Variants in PRELID2 observed in about 807,000 individuals in gnomAD.
The protein encoded by PRELID2 is PRELI domain containing 2.
A neutral mutation model predicts 28.4 loss-of-function variants in PRELID2; 25 were observed. The ratio of observed to expected loss-of-function variants is 0.88; its 90% CI spans 0.64 to 1.23. PRELID2 has a LOEUF of 1.23. Among genes scored for constraint, PRELID2 ranks in the 50% most tolerant of loss-of-function variants. The pLI, the probability that PRELID2 is intolerant of heterozygous loss-of-function variation, is 0.00. For missense variants in PRELID2, 201 were observed against 214.4 expected (o/e 0.94, Z 0.39); for synonymous variants, 76 against 71.6 (o/e 1.06, Z -0.31).
chr5:145,561,316 T>C (rs1752923723), intron 1 of PRELID2, among the ~76,000 whole-genome samples: 1 of 152,226 alleles, frequency 6.6e-6, no homozygotes, highest in Non-Finnish European at 1.5e-5. Context: ...TTCTTCCTTT[T>C]TTTTCTTTTC....
chr5:145,487,551 G>T (rs1752229114), intron 1 of PRELID2, among the ~76,000 whole-genome samples: 1 of 152,148 alleles, frequency 6.6e-6, no homozygotes, highest in Non-Finnish European at 1.5e-5. Flanking sequence ...GGCTGGAGGG[G>T]TTCCTACCAG....
At chr5:145,766,323 C>CA (rs1380744685) in intron 5 of PRELID2, among the ~76,000 whole-genome samples, 4 of 152,070 alleles carry the variant, frequency 2.6e-5, no homozygotes, top group Non-Finnish European at 4.4e-5. Flanking sequence ...AAGCAGGCAC[C>CA]AGAGCTCTAT....
chr5:145,495,909 T>C (rs1026530571), intron 1 of PRELID2, among the ~76,000 whole-genome samples: 1 of 152,182 alleles, frequency 6.6e-6, no homozygotes, highest in Admixed American at 6.5e-5. Flanking sequence ...CTGTGTCCAT[T>C]AGCTTAGCTC....
At chr5:145,307,982 TTC>T in the PRELID2 span, among the ~76,000 whole-genome samples, 1 of 152,174 alleles carries the variant, frequency 6.6e-6, no homozygotes, top group East Asian at 1.9e-4. Context: ...TGCTCTAGCA[TTC>T]TCTGTGTGTG....
the PRELID2 span, among the ~76,000 whole-genome samples, chr5:145,234,523 T>A: frequency 1.3e-5 from 2 of 152,108 alleles, no homozygotes; most frequent in Admixed American, 6.6e-5. Context: ...TAAAAAATGT[T>A]GCATTCTAAA....
chr5:145,487,791 GT>G (rs935721081), intron 1 of PRELID2, among the ~76,000 whole-genome samples: 42 of 148,208 alleles, frequency 2.8e-4, no homozygotes, highest in African/African-American at 8.6e-4. Context: ...AACTATTTTT[GT>G]TTTTTTTTTC....
chr5:145,229,389 A>G, the PRELID2 span: 1 of 747,304 alleles, frequency 1.3e-6, no homozygotes, highest in Non-Finnish European at 2.4e-6. Flanking sequence ...ATCAGCTACA[A>G]GGCTGGAATC....
intron 1 of PRELID2, among the ~76,000 whole-genome samples, chr5:145,732,699 A>T (rs183643755): frequency 1.2e-4 from 19 of 152,334 alleles, no homozygotes; most frequent in Non-Finnish European, 2.5e-4. Context: ...GATGCATAAA[A>T]TTACCAAAAT....
At chr5:145,615,735 G>C (rs1753689754) in intron 1 of PRELID2, among the ~76,000 whole-genome samples, 1 of 152,188 alleles carries the variant, frequency 6.6e-6, no homozygotes, top group Non-Finnish European at 1.5e-5. Flanking sequence ...TGTTAGTATT[G>C]AGATGTGAGA....
chr5:145,445,945 A>G, the PRELID2 span, among the ~76,000 whole-genome samples: 1 of 152,100 alleles, frequency 6.6e-6, no homozygotes, highest in African/African-American at 2.4e-5. Context: ...ACAGTGGTAA[A>G]CAGTAGAATA....
At chr5:145,832,497 T>C (rs1297847664) in intron 1 of PRELID2, among the ~76,000 whole-genome samples, 2 of 152,120 alleles carry the variant, frequency 1.3e-5, no homozygotes, top group African/African-American at 2.4e-5. Context: ...CAAAGTTGAT[T>C]CTGAAACCCT....
chr5:145,266,168 AT>A, the PRELID2 span, among the ~76,000 whole-genome samples: 36,476 of 151,148 alleles, frequency 0.24, 5,410 homozygotes, highest in Non-Finnish European at 0.31. Context: ...CTATTTTAAC[AT>A]TTTTTTTTCT....
chr5:145,331,993 T>C, the PRELID2 span, among the ~76,000 whole-genome samples: 1 of 152,202 alleles, frequency 6.6e-6, no homozygotes, highest in South Asian at 2.1e-4. Context: ...AGCATTTGCT[T>C]GTCTGTAAAG....
intron 1 of PRELID2, among the ~76,000 whole-genome samples, chr5:145,823,678 T>C (rs1754983818): frequency 6.6e-6 from 1 of 152,170 alleles, no homozygotes; most frequent in Admixed American, 6.5e-5. Flanking sequence ...TCTAATATCA[T>C]TGTCTGGTGG....
chr5:145,444,911 T>G, the PRELID2 span, among the ~76,000 whole-genome samples: 2 of 151,928 alleles, frequency 1.3e-5, no homozygotes, highest in African/African-American at 2.4e-5. Context: ...AGTAAGCAAA[T>G]TAATAATATA....
At chr5:145,737,443 CA>C (rs1026182028) in intron 1 of PRELID2, among the ~76,000 whole-genome samples, 2 of 151,040 alleles carry the variant, frequency 1.3e-5, no homozygotes, top group African/African-American at 2.4e-5. Context: ...AAAACAAAAA[CA>C]AAAAAAATAA....
At chr5:145,619,006 C>T (rs1301348042) in intron 1 of PRELID2, among the ~76,000 whole-genome samples, 1 of 152,142 alleles carries the variant, frequency 6.6e-6, no homozygotes, top group East Asian at 1.9e-4. Flanking sequence ...TCCATGCAAT[C>T]TGTAGAGCCA....
chr5:145,333,669 C>T, the PRELID2 span, among the ~76,000 whole-genome samples: 3 of 152,130 alleles, frequency 2.0e-5, no homozygotes, highest in African/African-American at 4.8e-5. Context: ...TTGCTGGCAG[C>T]GAGAATTTCA....
chr5:145,806,507 C>A (rs1029919184), intron 4 of PRELID2, among the ~76,000 whole-genome samples: 55 of 152,296 alleles, frequency 3.6e-4, no homozygotes, highest in African/African-American at 1.3e-3. Flanking sequence ...CTTAAAGTAC[C>A]TGCCTAAGGC....
Sources: allele counts gnomAD v4.1 joint callset (sites outside exome capture counted in the v4.1 genomes callset), GRCh38; gene constraint gnomAD v4.1.1; transcripts MANE v1.5; gene names NCBI Gene and HGNC (gene_info 2026-07-23, HGNC 2026-07-21).